CACNA1A: variants seen among roughly 807,000 people sequenced by gnomAD.
The protein encoded by CACNA1A is calcium voltage-gated channel subunit alpha1 A.
A neutral mutation model predicts 262.4 loss-of-function variants in CACNA1A; 57 were observed. That is an observed-to-expected ratio of 0.22 (90% CI 0.18 to 0.27). CACNA1A has a LOEUF of 0.27. CACNA1A is among the 10% of genes least tolerant of loss of function. CACNA1A has a pLI of 1.00. For missense variants in CACNA1A, 2,526 were observed against 3,562.8 expected, an observed-to-expected ratio of 0.71 and a Z score of 7.41; for synonymous variants, 1,431 against 1,419.3, an observed-to-expected ratio of 1.01 and a Z score of -0.18.
At chr19:13,240,788 C>T (rs573037764) in intron 31 of CACNA1A, among the ~76,000 whole-genome samples, 2 of 151,066 alleles carry the variant, frequency 1.3e-5, no homozygotes, top group South Asian at 4.2e-4. Context: ...TGCGCAGTGA[C>T]TGAGTGTGTG....
At position 13,299,114 on chromosome 19, in the gene CACNA1A, G is replaced by A. The variant is rs2057735722; in HGVS notation, c.2519C>T (p.Ala840Val). ...NRNNNTNKSR[A>V]AEPTVDQRLG... ...GCGCTGGTCCACGGTGGGCTCGGCC[G>A]CCCGGCTCTTGTTGGTGTTGTTGTT... The change falls in exon 19 of 47, where the codon GCG becomes GTG. Residue 840 changes from alanine to valine, a missense_variant. Ala to Val is a moderately conservative substitution (Grantham distance 64, BLOSUM62 0). Coordinates refer to ENST00000360228, the MANE Select transcript of CACNA1A (RefSeq NM_001127222.2). 2 of 1,612,490 alleles carry A rather than the reference G, an allele frequency of 1.2e-6. No homozygotes were observed. The highest frequency in any genetic ancestry group is 2.2e-5 in the South Asian group (2 of 91,048).
chr19:13,455,691 G>C (rs1348104837), intron 1 of CACNA1A, among the ~76,000 whole-genome samples: 5 of 152,020 alleles, frequency 3.3e-5, no homozygotes, highest in Admixed American at 6.6e-5. Flanking sequence ...ACAGTGGAAG[G>C]GGTCAGGGCT....
rs1336365517 is a variant in CACNA1A, at chr19:13,212,060, A to G, written c.6303+43T>C. 3.5e-6 allele frequency: 5 copies of G among 1,415,702 alleles called. No individual in the cohort carries two copies. Among genetic ancestry groups the G allele is most frequent in the Non-Finnish European group, 4.0e-6 (4 of 1,007,582 alleles). The allele number at this position is 1,415,702 out of a possible 1,614,324, so 87.7% of individuals were successfully genotyped here. On this transcript the variant is annotated intron_variant, in intron 43 of 46. Coordinates refer to ENST00000360228, the MANE Select transcript of CACNA1A (RefSeq NM_001127222.2). The surrounding 1 kb of genome is among the most constrained non-coding windows in gnomAD (Gnocchi z 5.6). ...GGGGGGGCCTGGCCCTACCCAGTGC[A>G]GAGTGAGGGGTCCAGCCCCAGGGCA...
intron 9 of CACNA1A, 95 bp from the exon 10 acceptor site, chr19:13,330,428 G>A (rs928943960): frequency 4.4e-5 from 39 of 881,354 alleles, no homozygotes; most frequent in Middle Eastern, 2.1e-4. Flanking sequence ...TAACTCTCAC[G>A]GCAACTGTTC....
chr19:13,386,390 C>T lies in CACNA1A; in HGVS notation c.540-14611G>A, dbSNP rs997092680. ...TGCTTCTGGAAAAGGATTTTTTCCC[C>T]GTGAGATGAGTCACATGGTAAGAGA... is the stretch of plus-strand genomic sequence containing the variant. On this transcript the variant is annotated intron_variant, in intron 3 of 46. Coordinates refer to ENST00000360228, the MANE Select transcript of CACNA1A (RefSeq NM_001127222.2). 7.9e-5 allele frequency among the ~76,000 whole-genome samples: 12 copies of T among 152,098 alleles called. No homozygotes were observed. The East Asian group carries it at 9.6e-4, about 12-fold the overall frequency.
At chr19:13,290,142 T>C (rs1249793827) in intron 19 of CACNA1A, among the ~76,000 whole-genome samples, 1 of 151,282 alleles carries the variant, frequency 6.6e-6, no homozygotes, top group South Asian at 2.1e-4. Context: ...GATTTTGCCA[T>C]GTTGGCCAGG....
chr19:13,333,592 G>T (rs530026204), intron 8 of CACNA1A: 3 of 152,292 alleles, frequency 2.0e-5, no homozygotes, highest in Non-Finnish European at 4.4e-5. Flanking sequence ...GCGCCACCAT[G>T]CCTGGCTAAT....
chr19:13,230,049 A>G, intron 36 of CACNA1A, 33 bp downstream of exon 36: 1 of 1,607,914 alleles, frequency 6.2e-7, no homozygotes, highest in Non-Finnish European at 8.5e-7. Flanking sequence ...AGAGGTGAGT[A>G]TTGTGGCTGG....
rs2057956646 is a variant in CACNA1A, at chr19:13,308,666, C to T, written c.1669-138G>A. 1 of 589,730 alleles carries T rather than the reference C, an allele frequency of 1.7e-6. No individual in the cohort carries two copies. The highest frequency in any genetic ancestry group is 3.0e-5 in the Admixed American group (1 of 32,968). The allele number at this position is 589,730 out of a possible 1,614,324, so 36.5% of individuals were successfully genotyped here. A position where few individuals can be genotyped will look rare whatever the true frequency, so the allele number is the denominator to read the frequency against. On this transcript the variant is annotated intron_variant, in intron 12 of 46. Transcript: ENST00000360228. The surrounding 1 kb of genome is among the most constrained non-coding windows in gnomAD (Gnocchi z 4.2). The stretch of plus-strand genomic sequence containing the variant: ...TGGAAGCCGGGTGAGGATCCTTGAC[C>T]CCCTCATTCATCCATTCATTTATCT...
intron 38 of CACNA1A, among the ~76,000 whole-genome samples, chr19:13,216,483 A>G (rs1371307828): frequency 6.6e-6 from 1 of 151,976 alleles, no homozygotes; most frequent in Non-Finnish European, 1.5e-5. Flanking sequence ...GATTACAGAC[A>G]TCTGCCTGGC....
At position 13,285,116 on chromosome 19, in the gene CACNA1A, T is replaced by C. The variant is rs1425955042; in HGVS notation, c.3644A>G (p.Lys1215Arg). The C allele has an allele frequency of 2.5e-6, 4 of 1,613,954 alleles. No individual in the cohort carries two copies. The highest frequency in any genetic ancestry group is 3.4e-6 in the Non-Finnish European group (4 of 1,179,872). ...EEDDRGEDGP[K>R]PMPPYSSMFI... ...CATGGAGCTATAGGGAGGCATTGGC[T>C]TAGGGCCGTCTTCCCCACGGTCGTC... The change falls in exon 21 of 47, where the codon AAG becomes AGG. Residue 1215 changes from lysine (K) to arginine (R), a missense_variant. By Grantham distance (26) the Lys-to-Arg change is conservative. Around this residue, in one of 17 missense-constraint regions of CACNA1A, gnomAD observed 765 missense variants for 748.6 expected, o/e 1.02. Transcript: ENST00000360228.
intron 3 of CACNA1A, among the ~76,000 whole-genome samples, chr19:13,423,266 A>G (rs1214521044): frequency 6.6e-6 from 1 of 152,202 alleles, no homozygotes; most frequent in Non-Finnish European, 1.5e-5. Context: ...GGCAGAAAGG[A>G]GACCAAAGAC....
intron 5 of CACNA1A, among the ~76,000 whole-genome samples, chr19:13,360,265 G>GTGTATA (rs941666561): frequency 1.5e-3 from 183 of 124,222 alleles, no homozygotes; most frequent in African/African-American, 5.6e-3. Context: ...GTGTGTGTGT[G>GTGTATA]TATATATATA....
chr19:13,497,839 A>C (rs887163505), intron 1 of CACNA1A, among the ~76,000 whole-genome samples: 1 of 151,750 alleles, frequency 6.6e-6, no homozygotes, highest in Non-Finnish European at 1.5e-5. Context: ...ACCTTCTTAC[A>C]ATTCCTCGGA....
At chr19:13,344,931 A>AT (rs144371983) in intron 6 of CACNA1A, among the ~76,000 whole-genome samples, 8,164 of 150,944 alleles carry the variant, frequency 0.054, 255 homozygotes, top group South Asian at 0.058. Context: ...ATTTTTTTGT[A>AT]TTTTTTTAGT....
chr19:13,285,280 C>T (rs2144881073), intron 20 of CACNA1A, 74 bp from the exon 21 acceptor site: 2 of 1,562,614 alleles, frequency 1.3e-6, no homozygotes, highest in Non-Finnish European at 1.7e-6. Context: ...TGTGTACTCC[C>T]AGGGCAGGCA....
chr19:13,475,368 G>A (rs1321236372), intron 1 of CACNA1A, among the ~76,000 whole-genome samples: 1 of 152,228 alleles, frequency 6.6e-6, no homozygotes, highest in Non-Finnish European at 1.5e-5. Context: ...TACTTTGAGA[G>A]AGGGTCCATC....
At chr19:13,489,943 C>T (rs1199234711) in intron 1 of CACNA1A, among the ~76,000 whole-genome samples, 3 of 152,156 alleles carry the variant, frequency 2.0e-5, no homozygotes, top group African/African-American at 7.2e-5. Flanking sequence ...GTACTTACCA[C>T]ACTCAAACTA....
chr19:13,327,398 G>A (rs563208786), intron 10 of CACNA1A, among the ~76,000 whole-genome samples: 2 of 151,312 alleles, frequency 1.3e-5, no homozygotes, highest in African/African-American at 4.8e-5. Flanking sequence ...ACTGGCCTGG[G>A]TTTTGGGTCT....
Sources: allele counts gnomAD v4.1 joint callset (sites outside exome capture counted in the v4.1 genomes callset), GRCh38; gene constraint gnomAD v4.1.1; regional missense constraint gnomAD v4.1.1; non-coding constraint Gnocchi (gnomAD v3.1); transcripts MANE v1.5; gene names NCBI Gene and HGNC (gene_info 2026-07-23, HGNC 2026-07-21).